Variants in TLL2 observed in about 807,000 individuals in gnomAD.
TLL2 encodes tolloid like 2, also known as tolloid-like protein 2.
In TLL2, 106 loss-of-function variants were observed where a neutral mutation model predicts 123.0. That is an observed-to-expected ratio of 0.86 (90% CI 0.74 to 1.01). The LOEUF is 1.01. Ranked by LOEUF, TLL2 falls within the 50% of genes least tolerant of loss-of-function variation. The pLI is 0.00. For missense variants in TLL2, 1,332 were observed against 1,336.7 expected, an observed-to-expected ratio of 1.00 and a Z score of 0.06; for synonymous variants, 494 against 516.8, an observed-to-expected ratio of 0.96 and a Z score of 0.60.
intron 1 of TLL2, 105 bp downstream of exon 1, chr10:96,513,406 G>A: frequency 1.4e-6 from 2 of 1,438,594 alleles, no homozygotes; most frequent in Non-Finnish European, 1.9e-6. Context: ...TCTCAGGGGA[G>A]GGGAGGGGAG....
intron 1 of TLL2, among the ~76,000 whole-genome samples, chr10:96,495,247 G>A (rs995748777): frequency 3.9e-5 from 6 of 152,168 alleles, no homozygotes; most frequent in African/African-American, 1.4e-4. Context: ...GTGGGGTGGA[G>A]GGGCCAGAGG....
rs1386963175 is a variant in TLL2, at chr10:96,384,683, G to A, written c.2098C>T (p.Pro700Ser). Residue 700 changes from proline (P) to serine (S), a missense_variant, in exon 16 of 21, where the codon CCG (proline) becomes TCG (serine). Transcript: ENST00000357947. ...LHGRFCGSET[P>S]EVITSQSNNM... Reference sequence around the variant, plus strand: ...TTGCTCTGCGAGGTGATGACCTCCGGCGTCTCAGAGCCGCAGAACCTGCCG... The same window carrying A: ...TTGCTCTGCGAGGTGATGACCTCCGACGTCTCAGAGCCGCAGAACCTGCCG... 1.9e-6 allele frequency: 3 copies of A among 1,613,026 alleles called. No homozygotes were observed. Among genetic ancestry groups the A allele is most frequent in the South Asian group, 2.2e-5 (2 of 90,886 alleles).
intron 5 of TLL2, 65 bp downstream of exon 5, chr10:96,428,566 A>G: frequency 9.6e-7 from 1 of 1,043,518 alleles, no homozygotes; most frequent in Non-Finnish European, 1.5e-6. Flanking sequence ...GTTTACAGAG[A>G]AAATTCAACA....
chr10:96,375,889 T>C (rs1486287598), intron 18 of TLL2, among the ~76,000 whole-genome samples: 1 of 152,214 alleles, frequency 6.6e-6, no homozygotes, highest in African/African-American at 2.4e-5. Context: ...TTAAAAAATG[T>C]CCATCTGCCT....
At chr10:96,377,392 G>C (rs1846147887) in intron 17 of TLL2, among the ~76,000 whole-genome samples, 1 of 152,236 alleles carries the variant, frequency 6.6e-6, no homozygotes, top group Non-Finnish European at 1.5e-5. Flanking sequence ...CCTGGTTACA[G>C]TGCTATTTGC....
At chr10:96,410,532 G>A in intron 8 of TLL2, 58 bp from the exon 9 acceptor site, 1 of 1,390,092 alleles carries the variant, frequency 7.2e-7, no homozygotes, top group Non-Finnish European at 1.0e-6. Flanking sequence ...CGCCCAAGCA[G>A]CTCCCGCACG....
chr10:96,421,596 G>C (rs1307370119), intron 6 of TLL2, among the ~76,000 whole-genome samples: 1 of 151,872 alleles, frequency 6.6e-6, no homozygotes, highest in Non-Finnish European at 1.5e-5. Context: ...CCCGGGAGAC[G>C]GAGCTTGCAG....
chr10:96,421,685 A>T (rs1846625040), intron 6 of TLL2, among the ~76,000 whole-genome samples: 1 of 151,670 alleles, frequency 6.6e-6, no homozygotes, highest in Admixed American at 6.6e-5. Flanking sequence ...AAAAGTACAA[A>T]AATTAGCTGG....
chr10:96,493,436 G>C (rs970485066), intron 1 of TLL2, among the ~76,000 whole-genome samples: 2 of 152,194 alleles, frequency 1.3e-5, no homozygotes, highest in Admixed American at 6.5e-5. Flanking sequence ...CATGTGCAAA[G>C]GCCCTGGGGT....
chr10:96,398,648 G>A (rs376054858), intron 10 of TLL2, among the ~76,000 whole-genome samples: 7 of 152,236 alleles, frequency 4.6e-5, no homozygotes, highest in South Asian at 2.1e-4. Context: ...CTACTGCCAC[G>A]TCAGGATGGC....
At chr10:96,453,044 A>T (rs2134090488) in intron 2 of TLL2, among the ~76,000 whole-genome samples, 1 of 152,352 alleles carries the variant, frequency 6.6e-6, no homozygotes, top group Non-Finnish European at 1.5e-5. Flanking sequence ...TTGTGAAATG[A>T]TTTAATATTG....
rs779357096 is a variant in TLL2, at chr10:96,475,900, G to A, written c.286+4449C>T. Among the ~76,000 whole-genome samples, 259 of 152,088 alleles carry A rather than the reference G, an allele frequency of 1.7e-3. 1 individual carries two copies. Among genetic ancestry groups the A allele is most frequent in the Admixed American group, 2.9e-3 (44 of 15,288 alleles). The stretch of plus-strand genomic sequence containing the variant: ...GTAAGTGGGTCTCACGAGATCTGAC[G>A]GGTTTAAAAATGGGAGTTTCCCTGC... On this transcript the variant is annotated intron_variant, in intron 2 of 20. Coordinates refer to ENST00000357947, the MANE Select transcript of TLL2 (RefSeq NM_012465.4).
intron 6 of TLL2, 145 bp downstream of exon 6, chr10:96,422,404 C>T (rs565311082): frequency 1.7e-5 from 16 of 969,634 alleles, no homozygotes; most frequent in African/African-American, 3.2e-5. Flanking sequence ...ACTGGTGAGA[C>T]GGGCCTGTAC....
chr10:96,496,459 C>T (rs1441361147), intron 1 of TLL2, among the ~76,000 whole-genome samples: 2 of 152,216 alleles, frequency 1.3e-5, no homozygotes, highest in African/African-American at 4.8e-5. Context: ...CACAGCCGCT[C>T]TGAAAGCTGA....
At position 96,366,461 on chromosome 10, in the gene TLL2, A is replaced by AT. The variant is rs1157570200; in HGVS notation, c.*1626dup. ...TACATACATACATATATACAGACATATATTATTAATAATACTTTAATTTTT... is the reference window on the plus strand; with the variant it reads ...TACATACATACATATATACAGACATATTATTATTAATAATACTTTAATTTTT... On this transcript the variant is annotated 3_prime_UTR_variant, in exon 21 of 21. Coordinates refer to ENST00000357947, the MANE Select transcript of TLL2 (RefSeq NM_012465.4). 24 of 152,770 alleles carry AT rather than the reference A, an allele frequency of 1.6e-4. No individual in the cohort carries two copies. The highest frequency in any genetic ancestry group is 5.9e-5 in the Non-Finnish European group (4 of 68,034). The allele number at this position is 152,770 out of a possible 1,614,324, so 9.5% of individuals were successfully genotyped here. A position where few individuals can be genotyped will look rare whatever the true frequency, so the allele number is the denominator to read the frequency against.
chr10:96,386,418 C>T (rs994290999), intron 14 of TLL2, among the ~76,000 whole-genome samples: 1 of 152,236 alleles, frequency 6.6e-6, no homozygotes, highest in Non-Finnish European at 1.5e-5. Flanking sequence ...TAAATCTTTA[C>T]TGCTTTTAAA....
chr10:96,502,514 G>A (rs1279696666), intron 1 of TLL2, among the ~76,000 whole-genome samples: 1 of 152,176 alleles, frequency 6.6e-6, no homozygotes, highest in Non-Finnish European at 1.5e-5. Flanking sequence ...CAGCACTTGT[G>A]TTGGGCGGGG....
chr10:96,451,199 A>G (rs1846955921), intron 2 of TLL2, among the ~76,000 whole-genome samples: 1 of 152,128 alleles, frequency 6.6e-6, no homozygotes, highest in African/African-American at 2.4e-5. Context: ...CTTTTTTCTA[A>G]TTCACCATAT....
intron 3 of TLL2, among the ~76,000 whole-genome samples, chr10:96,437,306 C>T (rs535206194): frequency 1.2e-4 from 18 of 152,282 alleles, no homozygotes; most frequent in Non-Finnish European, 1.5e-4. Flanking sequence ...TTCATTTCCT[C>T]TAATGGTAAC....
Sources: allele counts gnomAD v4.1 joint callset (sites outside exome capture counted in the v4.1 genomes callset), GRCh38; gene constraint gnomAD v4.1.1; transcripts MANE v1.5; gene names NCBI Gene and HGNC (gene_info 2026-07-23, HGNC 2026-07-21).